PLIN3: variants seen among roughly 807,000 people sequenced by gnomAD.
PLIN3 encodes the protein perilipin 3.
PLIN3 carries 30 observed loss-of-function variants against 35.9 expected under a neutral mutation model. That is an observed-to-expected ratio of 0.84 (90% confidence interval 0.62 to 1.13). PLIN3 has a LOEUF of 1.13. Ranked by LOEUF, PLIN3 falls within the 50% of genes most tolerant of loss-of-function variation. The pLI is 0.00. For synonymous variants in PLIN3, 261 were observed against 262.5 expected, an observed-to-expected ratio of 0.99 and a Z score of 0.06; for missense variants, 603 against 596.9, an observed-to-expected ratio of 1.01 and a Z score of -0.11.
intron 1 of PLIN3, among the ~76,000 whole-genome samples, chr19:4,866,228 G>A (rs1457227540): frequency 6.6e-6 from 1 of 151,782 alleles, no homozygotes; most frequent in Non-Finnish European, 1.5e-5. Flanking sequence ...ATGTTGGCCA[G>A]GCTGTTCTCC....
chr19:4,859,709 G>C (rs764864184), intron 3 of PLIN3, 37 bp from the exon 4 acceptor site: 1 of 1,604,466 alleles, frequency 6.2e-7, no homozygotes, highest in South Asian at 1.1e-5. Context: ...GTGACTGCTG[G>C]AAGGTCACCT....
intron 5 of PLIN3, among the ~76,000 whole-genome samples, chr19:4,850,507 G>A (rs1030593464): frequency 4.0e-5 from 6 of 150,610 alleles, no homozygotes; most frequent in African/African-American, 1.5e-4. Flanking sequence ...TGCAAGCTCC[G>A]CCTCCCAGGT....
At chr19:4,845,946 C>G (rs556940649) in intron 6 of PLIN3, among the ~76,000 whole-genome samples, 1 of 146,620 alleles carries the variant, frequency 6.8e-6, no homozygotes, top group Non-Finnish European at 1.5e-5. Flanking sequence ...AAAAAAAGGC[C>G]GGGCGCGGTG....
intron 5 of PLIN3, among the ~76,000 whole-genome samples, chr19:4,851,563 C>T (rs937185054): frequency 6.6e-6 from 1 of 151,944 alleles, no homozygotes; most frequent in Non-Finnish European, 1.5e-5. Context: ...TCTGGCCTGG[C>T]GGGAACACCA....
chr19:4,858,692 G>GTTTTTGTTTTTT (rs1468711919), intron 4 of PLIN3, among the ~76,000 whole-genome samples: 2 of 51,940 alleles, frequency 3.9e-5, no homozygotes, highest in Non-Finnish European at 9.0e-5. Context: ...AGAATATGGT[G>GTTTTTGTTTTTT]TTTTTTTGGT....
intron 5 of PLIN3, among the ~76,000 whole-genome samples, chr19:4,848,147 C>T (rs755629533): frequency 9.2e-5 from 14 of 152,200 alleles, no homozygotes; most frequent in Middle Eastern, 3.4e-3. Flanking sequence ...CCATGCCCAG[C>T]TAATTTTTGT....
chr19:4,855,099 A>G (rs2030428878), intron 4 of PLIN3, among the ~76,000 whole-genome samples: 2 of 151,592 alleles, frequency 1.3e-5, no homozygotes, highest in African/African-American at 4.8e-5. Flanking sequence ...AAAATACAAA[A>G]ATTTGCTGGG....
chr19:4,847,993 A>G, intron 5 of PLIN3, 103 bp from the exon 6 acceptor site: 1 of 856,152 alleles, frequency 1.2e-6, no homozygotes, highest in East Asian at 2.7e-5. Context: ...TTATTTATTT[A>G]TTTATTTAGA....
chr19:4,851,958 G>T (rs991295070), intron 5 of PLIN3, 58 bp downstream of exon 5: 4 of 1,551,934 alleles, frequency 2.6e-6, no homozygotes, highest in South Asian at 2.4e-5. Flanking sequence ...GGCCGACAGC[G>T]GCTTCCGGTC....
At chr19:4,862,243 G>A (rs1599176491) in intron 1 of PLIN3, among the ~76,000 whole-genome samples, 1 of 150,572 alleles carries the variant, frequency 6.6e-6, no homozygotes, top group East Asian at 1.9e-4. Context: ...CAATTCCCCT[G>A]CCTCAGCCTT....
chr19:4,865,725 T>G (rs1318163026), intron 1 of PLIN3, among the ~76,000 whole-genome samples: 1 of 128,942 alleles, frequency 7.8e-6, no homozygotes, highest in African/African-American at 2.7e-5. Flanking sequence ...CATTTTTTTT[T>G]TTTTGTTTTT....
At chr19:4,862,682 C>T (rs1271599551) in intron 1 of PLIN3, among the ~76,000 whole-genome samples, 1 of 152,162 alleles carries the variant, frequency 6.6e-6, no homozygotes, top group African/African-American at 2.4e-5. Context: ...GACCTAAAAC[C>T]TCTGTAGAGG....
chr19:4,854,617 A>G (rs2030413447), intron 4 of PLIN3, among the ~76,000 whole-genome samples: 1 of 151,902 alleles, frequency 6.6e-6, no homozygotes, highest in South Asian at 2.1e-4. Flanking sequence ...GTGAGCCAGC[A>G]TGAGCCAACG....
At chr19:4,847,561 G>A in intron 6 of PLIN3, 130 bp downstream of exon 6, 1 of 762,036 alleles carries the variant, frequency 1.3e-6, no homozygotes, top group Non-Finnish European at 2.2e-6. Flanking sequence ...ACCAGATACA[G>A]TGCCAGGAGC....
intron 7 of PLIN3, among the ~76,000 whole-genome samples, chr19:4,841,220 C>T (rs370644966): frequency 6.6e-6 from 1 of 152,124 alleles, no homozygotes; most frequent in East Asian, 1.9e-4. Flanking sequence ...AAGTGTCCTT[C>T]GGTTGATAAA....
chr19:4,844,584 A>G, intron 7 of PLIN3, 84 bp downstream of exon 7: 1 of 1,372,068 alleles, frequency 7.3e-7, no homozygotes, highest in South Asian at 1.5e-5. Flanking sequence ...CATTCGAAGC[A>G]GGTAGGCCCA....
chr19:4,857,108 T>C (rs2030501376), intron 4 of PLIN3, among the ~76,000 whole-genome samples: 1 of 152,056 alleles, frequency 6.6e-6, no homozygotes, highest in South Asian at 2.1e-4. Context: ...AGAATGTGGC[T>C]GTATTTAGAG....
chr19:4,840,174 G>T (rs2146193522), intron 7 of PLIN3, among the ~76,000 whole-genome samples: 1 of 152,074 alleles, frequency 6.6e-6, no homozygotes, highest in South Asian at 2.1e-4. Flanking sequence ...CACCATGTTG[G>T]CCAGGCTGGT....
chr19:4,839,624 G>A, intron 7 of PLIN3, 88 bp from the exon 8 acceptor site: 1 of 1,032,956 alleles, frequency 9.7e-7, no homozygotes, highest in Admixed American at 3.1e-5. Flanking sequence ...GGGAAGAGGG[G>A]TTCTACCACT....
Sources: gnomAD v4.1 joint callset for allele counts (sites outside exome capture counted in the v4.1 genomes callset) on GRCh38, gnomAD v4.1.1 for gene constraint, MANE v1.5 for transcripts, NCBI Gene and HGNC (gene_info 2026-07-23, HGNC 2026-07-21) for gene names.